Variants in MEF2A observed in about 807,000 individuals in gnomAD.
The protein encoded by MEF2A is myocyte enhancer factor 2A.
A neutral mutation model predicts 55.8 loss-of-function variants in MEF2A; 28 were observed. The ratio of observed to expected loss-of-function variants is 0.50; its 90% CI spans 0.37 to 0.69. The LOEUF (loss-of-function observed/expected upper bound fraction) is 0.69, where lower values mean the gene tolerates loss of function less well. MEF2A is among the 30% of genes least tolerant of loss of function. The pLI is 0.00. For synonymous variants in MEF2A, 239 were observed against 227.1 expected, an observed-to-expected ratio of 1.05 and a Z score of -0.47; for missense variants, 528 against 626.2, an observed-to-expected ratio of 0.84 and a Z score of 1.67.
At chr15:99,589,270 A>C (rs1284665493) in intron 1 of MEF2A, among the ~76,000 whole-genome samples, 1 of 152,178 alleles carries the variant, frequency 6.6e-6, no homozygotes, top group Non-Finnish European at 1.5e-5. Context: ...TTTCTGTGTC[A>C]GTTTTGATAG....
At chr15:99,654,573 A>T (rs571412794) in intron 4 of MEF2A, among the ~76,000 whole-genome samples, 126 of 136,394 alleles carry the variant, frequency 9.2e-4, no homozygotes, top group South Asian at 4.4e-3. Flanking sequence ...AAAATAAATT[A>T]AAAAAAAAGG....
chr15:99,626,993 C>T (rs1024019535), intron 2 of MEF2A, among the ~76,000 whole-genome samples: 3 of 151,924 alleles, frequency 2.0e-5, no homozygotes, highest in Non-Finnish European at 2.9e-5. Context: ...AGGTTCATGA[C>T]CTTCATGAAC....
intron 2 of MEF2A, among the ~76,000 whole-genome samples, chr15:99,625,115 T>A (rs2041857273): frequency 6.6e-6 from 1 of 152,218 alleles, no homozygotes; most frequent in Non-Finnish European, 1.5e-5. Context: ...TTAGGTGTAT[T>A]AAGTGCATTT....
At chr15:99,679,953 G>C (rs184052908) in intron 7 of MEF2A, among the ~76,000 whole-genome samples, 73 of 152,250 alleles carry the variant, frequency 4.8e-4, no homozygotes, top group African/African-American at 1.7e-3. Context: ...GCACAAACTA[G>C]AGGTAGCCTT....
intron 4 of MEF2A, chr15:99,657,652 T>A (rs1259835872): frequency 6.6e-6 from 1 of 152,104 alleles, no homozygotes; most frequent in Non-Finnish European, 1.5e-5. Context: ...ATTTGGGTTC[T>A]GATAGATTCA....
chr15:99,642,109 GA>G (rs2045111187), intron 3 of MEF2A, among the ~76,000 whole-genome samples: 1 of 152,084 alleles, frequency 6.6e-6, no homozygotes, highest in Admixed American at 6.5e-5. Context: ...CTTGAAGTCT[GA>G]CTTGGCTAGG....
intron 9 of MEF2A, 45 bp from the exon 10 acceptor site, chr15:99,706,684 A>T (rs755356717): frequency 6.3e-7 from 1 of 1,598,798 alleles, no homozygotes; most frequent in African/African-American, 1.3e-5. Context: ...TTAAGTCAAC[A>T]TAAATACCAC....
At position 99,712,684 on chromosome 15, in the gene MEF2A, T is replaced by G. The variant is rs1449915773; in HGVS notation, c.1431T>G (p.Ser477=). 3 of 1,561,472 alleles carry G rather than the reference T, an allele frequency of 1.9e-6. No individual in the cohort carries two copies. The highest frequency in any genetic ancestry group is 2.6e-6 in the Non-Finnish European group (3 of 1,152,690). ...AGGATCCACGGGGCGACTTCCATTC[T>G]CCAATTGTGCTTGGCCGACCCCCAA... The part of the protein sequence containing the change: ...DREDPRGDFH[S]PIVLGRPPNT... Residue 477 remains serine, a synonymous_variant, in exon 12 of 12, where the codon TCT becomes TCG. Coordinates refer to ENST00000557942, the MANE Select transcript of MEF2A (RefSeq NM_001319206.4). The surrounding 1 kb of genome is among the most constrained non-coding windows in gnomAD (Gnocchi z 4.1).
intron 7 of MEF2A, among the ~76,000 whole-genome samples, chr15:99,687,614 G>A (rs1044370780): frequency 1.3e-5 from 2 of 152,040 alleles, no homozygotes; most frequent in Admixed American, 1.3e-4. Flanking sequence ...CTTTTCTTCT[G>A]TTCTTCTCTC....
chr15:99,577,451 T>C (rs1466497420), intron 1 of MEF2A, among the ~76,000 whole-genome samples: 1 of 152,094 alleles, frequency 6.6e-6, no homozygotes, highest in Non-Finnish European at 1.5e-5. Flanking sequence ...ACATAGACGA[T>C]TTGTGCTTGA....
At chr15:99,680,138 C>G (rs777126691) in intron 7 of MEF2A, among the ~76,000 whole-genome samples, 6 of 152,168 alleles carry the variant, frequency 3.9e-5, no homozygotes, top group Non-Finnish European at 8.8e-5. Flanking sequence ...CCACTCTTCC[C>G]CTAGTCTTTT....
At chr15:99,620,529 T>C (rs1294633129) in intron 2 of MEF2A, among the ~76,000 whole-genome samples, 1 of 152,236 alleles carries the variant, frequency 6.6e-6, no homozygotes, top group African/African-American at 2.4e-5. Context: ...TTGTTCTTTT[T>C]ATGACTGTGT....
In MEF2A at chr15:99,710,389, T is replaced by C. The variant is rs981334590; in HGVS notation, c.1010-245T>C. On this transcript the variant is annotated intron_variant, in intron 10 of 11. Transcript: ENST00000557942. ...TCCCAAGTAGCTGGGACTACAGGCA[T>C]GCGCCACCACGCCTGGATAATTTTT... Among the ~76,000 whole-genome samples, 7 of 152,260 alleles carry C rather than the reference T, an allele frequency of 4.6e-5. No homozygotes were observed. The East Asian group carries it at 1.2e-3, about 25-fold the overall frequency.
intron 2 of MEF2A, among the ~76,000 whole-genome samples, chr15:99,628,288 A>G (rs1370952076): frequency 6.6e-6 from 1 of 152,096 alleles, no homozygotes; most frequent in Non-Finnish European, 1.5e-5. Flanking sequence ...TGTGTTTTAC[A>G]TGGTGTGTCT....
intron 7 of MEF2A, among the ~76,000 whole-genome samples, chr15:99,682,244 A>G (rs760441431): frequency 6.6e-6 from 1 of 152,238 alleles, no homozygotes; most frequent in Non-Finnish European, 1.5e-5. Context: ...TGACTGACCT[A>G]TCTTACAGCT....
chr15:99,715,967 A>T lies in MEF2A; in HGVS notation c.*3196A>T, dbSNP rs1428216430. 1 of 153,476 alleles carries T rather than the reference A, an allele frequency of 6.5e-6. No individual in the cohort carries two copies. Among genetic ancestry groups the T allele is most frequent in the African/African-American group, 2.4e-5 (1 of 41,456 alleles). The allele number at this position is 153,476 out of a possible 1,614,324, so 9.5% of individuals were successfully genotyped here. A position where few individuals can be genotyped will look rare whatever the true frequency, so the allele number is the denominator to read the frequency against. On this transcript the variant is annotated 3_prime_UTR_variant, in exon 12 of 12. Transcript: ENST00000557942. The stretch of plus-strand genomic sequence containing the variant: ...TTTACCCTTTCCTTTAACTAGAAGG[A>T]TAACTAGTAATGCATCAACATAATT...
intron 1 of MEF2A, among the ~76,000 whole-genome samples, chr15:99,568,095 G>T (rs1960531837): frequency 6.6e-6 from 1 of 152,022 alleles, no homozygotes; most frequent in Non-Finnish European, 1.5e-5. Context: ...TCACACTATG[G>T]TTATATATAA....
intron 3 of MEF2A, among the ~76,000 whole-genome samples, chr15:99,636,160 A>G (rs1443768459): frequency 6.6e-6 from 1 of 151,894 alleles, no homozygotes; most frequent in Non-Finnish European, 1.5e-5. Context: ...ACTTTTTCAT[A>G]TTTTTATTGG....
chr15:99,654,920 A>G (rs2047457665), intron 4 of MEF2A, among the ~76,000 whole-genome samples: 1 of 152,162 alleles, frequency 6.6e-6, no homozygotes, highest in Non-Finnish European at 1.5e-5. Context: ...ATTGGTTACT[A>G]TATTGTTGAG....
Sources: allele counts gnomAD v4.1 joint callset (sites outside exome capture counted in the v4.1 genomes callset), GRCh38; gene constraint gnomAD v4.1.1; non-coding constraint Gnocchi (gnomAD v3.1); transcripts MANE v1.5; gene names NCBI Gene and HGNC (gene_info 2026-07-23, HGNC 2026-07-21).